The following UPP2 variants were observed in gnomAD, a reference collection of about 807,000 sequenced individuals.
The protein encoded by UPP2 is UPase 2.
In UPP2, 23 loss-of-function variants were observed where a neutral mutation model predicts 26.7. That is an observed-to-expected ratio of 0.86 (90% confidence interval 0.62 to 1.22). The LOEUF is 1.22. UPP2 is among the 50% of genes most tolerant of loss of function. UPP2 has a pLI of 0.00. For synonymous variants in UPP2, 127 were observed against 141.3 expected (o/e 0.90, Z 0.72); for missense variants, 387 against 396.7 (o/e 0.98, Z 0.21).
intron 1 of UPP2, 136 bp downstream of exon 1, chr2:158,102,261 C>A: frequency 1.2e-6 from 1 of 848,198 alleles, no homozygotes; most frequent in Non-Finnish European, 1.7e-6. Flanking sequence ...GGATGCAGCT[C>A]ATAAAGCAAT....
chr2:158,115,645 T>C (rs1558936784), intron 3 of UPP2, among the ~76,000 whole-genome samples: 1 of 152,214 alleles, frequency 6.6e-6, no homozygotes, highest in Non-Finnish European at 1.5e-5. Flanking sequence ...TGCTGCTGTT[T>C]AACACCATAA....
At chr2:158,037,168 T>A (rs1558910784) in intron 3 of UPP2, among the ~76,000 whole-genome samples, 3 of 150,310 alleles carry the variant, frequency 2.0e-5, no homozygotes, top group African/African-American at 4.9e-5. Context: ...AGGTCAGGAG[T>A]TTGAGACCAG....
intron 2 of UPP2, among the ~76,000 whole-genome samples, chr2:158,002,073 C>A (rs915393527): frequency 6.6e-6 from 1 of 151,412 alleles, no homozygotes; most frequent in African/African-American, 2.4e-5. Flanking sequence ...CACCTTTCAG[C>A]ATCTTTTACC....
intron 1 of UPP2, among the ~76,000 whole-genome samples, chr2:158,104,926 G>T (rs1683149332): frequency 3.1e-5 from 1 of 32,470 alleles, no homozygotes; most frequent in Non-Finnish European, 5.1e-5. Flanking sequence ...GAAAGGGAAG[G>T]GAAGGGAAGG....
intron 3 of UPP2, among the ~76,000 whole-genome samples, chr2:158,052,110 T>C (rs1315001342): frequency 6.6e-6 from 1 of 152,204 alleles, no homozygotes; most frequent in South Asian, 2.1e-4. Context: ...AAATATTATG[T>C]GGGACATACT....
At chr2:157,996,789 A>G (rs1391034870) in intron 2 of UPP2, among the ~76,000 whole-genome samples, 1 of 152,176 alleles carries the variant, frequency 6.6e-6, no homozygotes, top group African/African-American at 2.4e-5. Flanking sequence ...GTTTAATAGG[A>G]AAGTCTTTCT....
At chr2:158,060,098 GTA>G (rs1682330444) in intron 3 of UPP2, among the ~76,000 whole-genome samples, 1 of 151,998 alleles carries the variant, frequency 6.6e-6, no homozygotes, top group Admixed American at 6.6e-5. Flanking sequence ...ATGCATGTGT[GTA>G]CACACATGCA....
chr2:158,077,643 T>C (rs1335841974), intron 3 of UPP2, among the ~76,000 whole-genome samples: 1 of 152,114 alleles, frequency 6.6e-6, no homozygotes, highest in Non-Finnish European at 1.5e-5. Context: ...CAAATCAAAA[T>C]GGATTAAAGA....
At chr2:158,098,805 C>A (rs1683027330), upstream of UPP2, among the ~76,000 whole-genome samples, 1 of 152,232 alleles carries the variant, frequency 6.6e-6, no homozygotes, top group Non-Finnish European at 1.5e-5. Context: ...GTCCTCTGCT[C>A]TATCTTCCAG....
chr2:158,112,397 C>A (rs903928237), intron 2 of UPP2, among the ~76,000 whole-genome samples: 12 of 152,028 alleles, frequency 7.9e-5, no homozygotes, highest in African/African-American at 2.4e-4. Context: ...AACTAGATAT[C>A]CACATGCTAA....
At chr2:158,106,444 G>A (rs1220363598) in intron 2 of UPP2, among the ~76,000 whole-genome samples, 1 of 152,036 alleles carries the variant, frequency 6.6e-6, no homozygotes, top group Non-Finnish European at 1.5e-5. Context: ...ATGTTATTTG[G>A]CTACTCTGGC....
At chr2:158,088,341 G>A (rs1682849775) in intron 3 of UPP2, among the ~76,000 whole-genome samples, 1 of 152,006 alleles carries the variant, frequency 6.6e-6, no homozygotes, top group African/African-American at 2.4e-5. Flanking sequence ...AGTAGTGATT[G>A]TTTTTTATTT....
At chr2:158,123,725 T>C (rs1389850851) in intron 5 of UPP2, 24 bp from the exon 6 acceptor site, 1 of 1,608,486 alleles carries the variant, frequency 6.2e-7, no homozygotes, top group African/African-American at 1.3e-5. Flanking sequence ...ATCAAGTCAC[T>C]AAACGTTCTC....
chr2:158,117,800 A>T (rs771022833), intron 3 of UPP2, 24 bp from the exon 4 acceptor site: 2 of 1,555,524 alleles, frequency 1.3e-6, no homozygotes, highest in South Asian at 1.1e-5. Flanking sequence ...AAGATGTATG[A>T]TGACTTTCTC....
At chr2:158,055,136 C>T (rs570860086) in intron 3 of UPP2, among the ~76,000 whole-genome samples, 1 of 152,332 alleles carries the variant, frequency 6.6e-6, no homozygotes, top group South Asian at 2.1e-4. Flanking sequence ...GAAAGTCCAA[C>T]ATTGAAGGGT....
intron 3 of UPP2, among the ~76,000 whole-genome samples, chr2:158,016,994 C>T (rs1683669876): frequency 6.6e-6 from 1 of 152,126 alleles, no homozygotes; most frequent in Non-Finnish European, 1.5e-5. Context: ...GGGTCCATAA[C>T]TAATCTACTG....
chr2:158,135,974 T>C lies in UPP2; in HGVS notation c.*1084T>C, dbSNP rs755186363. 6.6e-6 allele frequency: 1 copy of C among 152,210 alleles called. No individual in the cohort carries two copies. Among genetic ancestry groups the C allele is most frequent in the Non-Finnish European group, 1.5e-5 (1 of 68,064 alleles). The allele number at this position is 152,210 out of a possible 1,614,324, so 9.4% of individuals were successfully genotyped here. ...AAGTTTAATTCCAACACAGTACAGATTATTTGGATCCCAGAGCCATTGTCA... is the reference window on the plus strand; with the variant it reads ...AAGTTTAATTCCAACACAGTACAGACTATTTGGATCCCAGAGCCATTGTCA... On this transcript the variant is annotated 3_prime_UTR_variant, in exon 7 of 7. Transcript: ENST00000005756.
At chr2:158,076,895 T>C (rs912823871) in intron 3 of UPP2, among the ~76,000 whole-genome samples, 1 of 152,114 alleles carries the variant, frequency 6.6e-6, no homozygotes, top group Non-Finnish European at 1.5e-5. Context: ...TGTTTGCAGA[T>C]GATATGATCT....
At position 158,114,490 on chromosome 2, in the gene UPP2, A is replaced by G. The variant is rs77013235; in HGVS notation, c.181-611A>G. On this transcript the variant is annotated intron_variant, in intron 2 of 6. Coordinates refer to ENST00000005756, the MANE Select transcript of UPP2 (RefSeq NM_173355.4). The stretch of plus-strand genomic sequence containing the variant: ...GAAGGTAAAATGTGAATAAAACAAA[A>G]ACAAAAATAAATCACTGGAATTGAT... Among the ~76,000 whole-genome samples the G allele has an allele frequency of 6.1e-3, 935 of 152,360 alleles. 5 individuals carry two copies. The highest frequency in any genetic ancestry group is 0.027 in the Middle Eastern group (8 of 294).
Sources: allele counts gnomAD v4.1 joint callset (sites outside exome capture counted in the v4.1 genomes callset), GRCh38; gene constraint gnomAD v4.1.1; transcripts MANE v1.5; gene names NCBI Gene and HGNC (gene_info 2026-07-23, HGNC 2026-07-21).